Variants in GALNT13 observed in about 807,000 individuals in gnomAD.
The protein encoded by GALNT13 is polypeptide N-acetylgalactosaminyltransferase 13, also known as UDP-GalNAc:polypeptide N-acetylgalactosaminyltransferase 13.
Under a neutral mutation model 64.2 loss-of-function variants are expected in GALNT13, and 28 were observed. That is an observed-to-expected ratio of 0.44 (90% CI 0.32 to 0.60). The LOEUF (loss-of-function observed/expected upper bound fraction) is 0.60. Ranked by LOEUF, GALNT13 falls within the 20% of genes least tolerant of loss-of-function variation. GALNT13 has a pLI of 0.05. For synonymous variants in GALNT13, 214 were observed against 224.6 expected, an observed-to-expected ratio of 0.95 and a Z score of 0.42; for missense variants, 577 against 669.8, an observed-to-expected ratio of 0.86 and a Z score of 1.53.
the GALNT13 span, among the ~76,000 whole-genome samples, chr2:153,433,058 C>T: frequency 1.3e-5 from 2 of 151,834 alleles, no homozygotes; most frequent in African/African-American, 4.8e-5. Flanking sequence ...TCTATATTAT[C>T]TAGTAATACA....
chr2:153,860,576 T>G, the GALNT13 span, among the ~76,000 whole-genome samples: 1 of 152,272 alleles, frequency 6.6e-6, no homozygotes, highest in Middle Eastern at 3.4e-3. Flanking sequence ...TATGCAAAGC[T>G]TATGGAAGGG....
the GALNT13 span, among the ~76,000 whole-genome samples, chr2:153,770,705 A>T: frequency 2.0e-5 from 3 of 152,328 alleles, no homozygotes; most frequent in South Asian, 6.2e-4. Context: ...TTCCTTGTTT[A>T]CTGGGAGAAA....
the GALNT13 span, among the ~76,000 whole-genome samples, chr2:153,669,714 G>C: frequency 6.6e-6 from 1 of 152,064 alleles, no homozygotes; most frequent in African/African-American, 2.4e-5. Flanking sequence ...AGCAGGGTGG[G>C]GCATTGCCTC....
the GALNT13 span, among the ~76,000 whole-genome samples, chr2:153,266,919 C>T: frequency 8.5e-5 from 13 of 152,286 alleles, no homozygotes; most frequent in Admixed American, 8.5e-4. Flanking sequence ...TCATCTAAGA[C>T]AAGGCAAGTC....
chr2:153,329,206 C>T, the GALNT13 span, among the ~76,000 whole-genome samples: 6 of 152,164 alleles, frequency 3.9e-5, no homozygotes, highest in Non-Finnish European at 7.3e-5. Flanking sequence ...CCACCTTCTG[C>T]ATTGGTCTTG....
the GALNT13 span, among the ~76,000 whole-genome samples, chr2:153,631,208 C>T: frequency 3.5e-3 from 538 of 152,158 alleles, 1 homozygote; most frequent in Middle Eastern, 0.02. Context: ...TTCAGTCTGT[C>T]GTTGTTGGAC....
At position 154,242,176 on chromosome 2, in the gene GALNT13, T is replaced by G; in HGVS notation, c.458T>G (p.Val153Gly). 6.2e-7 allele frequency: 1 copy of G among 1,610,454 alleles called. No homozygotes were observed. The highest frequency in any genetic ancestry group is 8.5e-7 in the Non-Finnish European group (1 of 1,178,970). ...TATCTACTCTCAGAGGTCATCTTGG[T>G]AGATGATGCCAGTGAAAGAGGTACA... ...PHYLLSEVIL[V>G]DDASERDFLK... is the part of the protein sequence containing the mutation. The change falls in exon 5 of 13, where the codon GTA becomes GGA. Residue 153 changes from valine to glycine, a missense_variant. Physicochemically the swap from Val to Gly is moderately radical, Grantham distance 109. Coordinates refer to ENST00000392825, the MANE Select transcript of GALNT13 (RefSeq NM_052917.4).
At chr2:153,678,103 C>T in the GALNT13 span, among the ~76,000 whole-genome samples, 1 of 150,704 alleles carries the variant, frequency 6.6e-6, no homozygotes, top group Non-Finnish European at 1.5e-5. Context: ...ACACAGTAAA[C>T]ACACAACCTA....
the GALNT13 span, among the ~76,000 whole-genome samples, chr2:153,361,420 C>A: frequency 6.6e-6 from 1 of 151,870 alleles, no homozygotes; most frequent in East Asian, 1.9e-4. Flanking sequence ...ATAACAAATT[C>A]TGTTGAGCTA....
At chr2:154,178,513 A>G (rs1685780351) in intron 4 of GALNT13, among the ~76,000 whole-genome samples, 1 of 152,108 alleles carries the variant, frequency 6.6e-6, no homozygotes, top group Non-Finnish European at 1.5e-5. Flanking sequence ...ATGTGTATAT[A>G]TATGTAACAA....
chr2:153,619,561 A>T, the GALNT13 span, among the ~76,000 whole-genome samples: 373 of 152,052 alleles, frequency 2.5e-3, 3 homozygotes, highest in African/African-American at 8.7e-3. Context: ...TTTCTTTCTT[A>T]TTAAAGTACC....
intron 3 of GALNT13, among the ~76,000 whole-genome samples, chr2:154,113,666 G>T (rs1235259193): frequency 6.6e-6 from 1 of 152,198 alleles, no homozygotes; most frequent in Non-Finnish European, 1.5e-5. Flanking sequence ...TGTGTTTGCT[G>T]CTTCTTGCTC....
chr2:154,233,865 G>C (rs75772664), intron 4 of GALNT13, among the ~76,000 whole-genome samples: 3,548 of 152,168 alleles, frequency 0.023, 120 homozygotes, highest in African/African-American at 0.073. Context: ...GTCAGGAGGA[G>C]GGAAGAAGCA....
chr2:153,313,967 G>T, the GALNT13 span, among the ~76,000 whole-genome samples: 33 of 152,110 alleles, frequency 2.2e-4, no homozygotes, highest in East Asian at 5.8e-3. Flanking sequence ...ACCCTTTTCT[G>T]TGTGTTGACT....
At chr2:153,962,080 T>G (rs992639634) in intron 3 of GALNT13, among the ~76,000 whole-genome samples, 2 of 152,178 alleles carry the variant, frequency 1.3e-5, no homozygotes, top group Non-Finnish European at 2.9e-5. Flanking sequence ...GCTTAAAAAA[T>G]TGTTTACCTT....
At chr2:153,989,994 G>T (rs1695056436) in intron 3 of GALNT13, among the ~76,000 whole-genome samples, 1 of 152,052 alleles carries the variant, frequency 6.6e-6, no homozygotes, top group South Asian at 2.1e-4. Context: ...GGTTGAAATA[G>T]AACAACATAT....
chr2:153,759,229 C>G, the GALNT13 span, among the ~76,000 whole-genome samples: 1 of 152,018 alleles, frequency 6.6e-6, no homozygotes, highest in African/African-American at 2.4e-5. Context: ...TACATAAGAT[C>G]ATGTCATCAC....
the GALNT13 span, among the ~76,000 whole-genome samples, chr2:153,778,346 G>A: frequency 2.0e-5 from 3 of 152,214 alleles, no homozygotes; most frequent in Non-Finnish European, 2.9e-5. Flanking sequence ...AGGAGTGCCT[G>A]TACTCACCTA....
chr2:154,355,286 C>T (rs1294066619), intron 9 of GALNT13, among the ~76,000 whole-genome samples: 6 of 152,078 alleles, frequency 3.9e-5, no homozygotes, highest in Admixed American at 1.3e-4. Flanking sequence ...CATGAGATAA[C>T]GGAGACTTGC....
Sources: gnomAD v4.1 joint callset for allele counts (sites outside exome capture counted in the v4.1 genomes callset) on GRCh38, gnomAD v4.1.1 for gene constraint, MANE v1.5 for transcripts, NCBI Gene and HGNC (gene_info 2026-07-23, HGNC 2026-07-21) for gene names.